NMNAT3: variants seen among roughly 807,000 people sequenced by gnomAD.
The protein encoded by NMNAT3 is nicotinamide nucleotide adenylyltransferase 3.
A neutral mutation model predicts 24.8 loss-of-function variants in NMNAT3; 21 were observed. The ratio of observed to expected loss-of-function variants is 0.85; its 90% confidence interval spans 0.60 to 1.22. NMNAT3 has a LOEUF of 1.22. NMNAT3 is among the 50% of genes most tolerant of loss of function. NMNAT3 has a pLI of 0.00. For missense variants in NMNAT3, 387 were observed against 436.6 expected, an observed-to-expected ratio of 0.89 and a Z score of 1.01; for synonymous variants, 136 against 155.2, an observed-to-expected ratio of 0.88 and a Z score of 0.92.
At chr3:139,574,602 T>C (rs556755508) in intron 5 of NMNAT3, among the ~76,000 whole-genome samples, 41 of 152,240 alleles carry the variant, frequency 2.7e-4, no homozygotes, top group African/African-American at 9.1e-4. Context: ...TAGAACTGTA[T>C]TTAGGGGGCA....
intron 3 of NMNAT3, among the ~76,000 whole-genome samples, chr3:139,597,375 G>C (rs139588720): frequency 7.2e-5 from 11 of 152,012 alleles, no homozygotes; most frequent in Non-Finnish European, 1.5e-4. Flanking sequence ...GATGATTTAA[G>C]TTTCATAAAA....
intron 1 of NMNAT3, among the ~76,000 whole-genome samples, chr3:139,639,843 T>A (rs1475160279): frequency 6.6e-6 from 1 of 152,046 alleles, no homozygotes; most frequent in African/African-American, 2.4e-5. Flanking sequence ...AATTCTGGAG[T>A]TCCCCTAGTG....
chr3:139,619,826 T>C (rs928355104), intron 3 of NMNAT3, among the ~76,000 whole-genome samples: 5 of 152,330 alleles, frequency 3.3e-5, no homozygotes, highest in South Asian at 4.1e-4. Context: ...TTTTCAGCTA[T>C]ACAGGGAATA....
chr3:139,599,065 A>G (rs2054597889), intron 3 of NMNAT3: 1 of 470,824 alleles, frequency 2.1e-6, no homozygotes, highest in Admixed American at 3.9e-5. Context: ...ATTGCTGCTT[A>G]AAATGCTAGC....
chr3:139,612,229 G>A (rs1254817237), intron 3 of NMNAT3, among the ~76,000 whole-genome samples: 1 of 151,574 alleles, frequency 6.6e-6, no homozygotes, highest in African/African-American at 2.4e-5. Context: ...GACTCTGAAC[G>A]TGAACTAGAG....
chr3:139,630,009 C>T (rs1429117779), intron 2 of NMNAT3, among the ~76,000 whole-genome samples: 1 of 152,178 alleles, frequency 6.6e-6, no homozygotes, highest in Non-Finnish European at 1.5e-5. Flanking sequence ...TTGTTTCTAA[C>T]ATGACAAAAA....
intron 1 of NMNAT3, among the ~76,000 whole-genome samples, chr3:139,654,363 G>GGA (rs960417585): frequency 2.6e-5 from 4 of 152,114 alleles, no homozygotes; most frequent in African/African-American, 9.7e-5. Context: ...GGCCCACCAG[G>GGA]GAGAGAGAGA....
intron 1 of NMNAT3, among the ~76,000 whole-genome samples, chr3:139,659,106 T>C (rs2057336069): frequency 6.6e-6 from 1 of 152,272 alleles, no homozygotes; most frequent in African/African-American, 2.4e-5. Context: ...AGCAGCTTGT[T>C]CCTTTTCATT....
intron 3 of NMNAT3, among the ~76,000 whole-genome samples, chr3:139,606,145 C>T (rs2054933337): frequency 6.6e-6 from 1 of 152,202 alleles, no homozygotes; most frequent in Admixed American, 6.5e-5. Flanking sequence ...ATTAATTCAA[C>T]ACTGATCTAG....
At chr3:139,662,596 C>T (rs2057450801) in intron 1 of NMNAT3, among the ~76,000 whole-genome samples, 1 of 152,128 alleles carries the variant, frequency 6.6e-6, no homozygotes, top group South Asian at 2.1e-4. Flanking sequence ...AAGGTGGGCT[C>T]CTAGCTCCTG....
intron 3 of NMNAT3, among the ~76,000 whole-genome samples, chr3:139,597,677 C>T (rs1421296796): frequency 6.6e-6 from 1 of 152,216 alleles, no homozygotes; most frequent in Non-Finnish European, 1.5e-5. Flanking sequence ...CACATCTCTG[C>T]CACAGCCTCA....
intron 1 of NMNAT3, among the ~76,000 whole-genome samples, chr3:139,665,461 C>G (rs528391364): frequency 1.3e-5 from 2 of 152,190 alleles, no homozygotes; most frequent in African/African-American, 4.8e-5. Context: ...TCCATAATCT[C>G]TAGGAGCCAT....
intron 2 of NMNAT3, 21 bp downstream of exon 2, chr3:139,637,942 G>A (rs2056562607): frequency 2.6e-5 from 4 of 152,168 alleles, no homozygotes; most frequent in Admixed American, 1.3e-4. Flanking sequence ...AGAGTGGAAG[G>A]TGACTAAAAG....
intron 3 of NMNAT3, among the ~76,000 whole-genome samples, chr3:139,613,526 C>T (rs568453983): frequency 1.5e-4 from 23 of 152,314 alleles, no homozygotes; most frequent in Admixed American, 4.6e-4. Flanking sequence ...TACACTTTTA[C>T]ACTGTTGGTG....
At chr3:139,582,297 A>G (rs2053673980) in intron 4 of NMNAT3, among the ~76,000 whole-genome samples, 1 of 152,030 alleles carries the variant, frequency 6.6e-6, no homozygotes, top group Non-Finnish European at 1.5e-5. Flanking sequence ...GGGTGTTTAT[A>G]AAAGAGATGT....
chr3:139,611,079 GGTT>G (rs2055191073), intron 3 of NMNAT3, among the ~76,000 whole-genome samples: 1 of 152,150 alleles, frequency 6.6e-6, no homozygotes, highest in African/African-American at 2.4e-5. Context: ...CTTTGGACTG[GGTT>G]GTTATCTTTA....
rs181281325 is a variant in NMNAT3, at chr3:139,628,301, G to A, written c.-40-537C>T. Among the ~76,000 whole-genome samples, 498 of 152,312 alleles carry A rather than the reference G, an allele frequency of 3.3e-3. 3 individuals are homozygous for A. The highest frequency in any genetic ancestry group is 5.2e-3 in the Admixed American group (79 of 15,310). ...ATACTCTTTATCCAGATTCCCCAAT[G>A]TTAACATTTTACCACACTTGCTTTA... On this transcript the variant is annotated intron_variant, in intron 2 of 6. Transcript: ENST00000643695.
intron 3 of NMNAT3, among the ~76,000 whole-genome samples, chr3:139,591,219 G>A (rs1397758593): frequency 2.0e-5 from 3 of 151,490 alleles, no homozygotes; most frequent in Non-Finnish European, 4.4e-5. Context: ...GACGCACCTG[G>A]AAAATCGGGT....
At chr3:139,646,508 C>A (rs1227689607) in intron 1 of NMNAT3, among the ~76,000 whole-genome samples, 1 of 152,164 alleles carries the variant, frequency 6.6e-6, no homozygotes, top group Non-Finnish European at 1.5e-5. Flanking sequence ...CAATCATTCC[C>A]CTGAGCCACT....
Sources: allele counts gnomAD v4.1 joint callset (sites outside exome capture counted in the v4.1 genomes callset), GRCh38; gene constraint gnomAD v4.1.1; transcripts MANE v1.5; gene names NCBI Gene and HGNC (gene_info 2026-07-23, HGNC 2026-07-21).